PRKG1: variants seen among roughly 807,000 people sequenced by gnomAD.
PRKG1 encodes the protein cGMP-dependent protein kinase 1.
Under a neutral mutation model 88.1 loss-of-function variants are expected in PRKG1, and 35 were observed. The ratio of observed to expected loss-of-function variants is 0.40; its 90% CI spans 0.30 to 0.53. The LOEUF is 0.53. Among genes scored for constraint, PRKG1 ranks in the 20% least tolerant of loss-of-function variants. PRKG1 has a pLI of 0.59. For missense variants in PRKG1, 540 were observed against 839.8 expected (o/e 0.64, Z 4.41); for synonymous variants, 303 against 292.5 (o/e 1.04, Z -0.37).
intron 2 of PRKG1, among the ~76,000 whole-genome samples, chr10:51,306,256 T>C (rs1449074285): frequency 6.6e-6 from 1 of 152,200 alleles, no homozygotes. Flanking sequence ...CCAAATTTCA[T>C]AGTTGACTTA....
intron 3 of PRKG1, among the ~76,000 whole-genome samples, chr10:51,742,357 A>G (rs1837456299): frequency 6.6e-6 from 1 of 152,212 alleles, no homozygotes; most frequent in South Asian, 2.1e-4. Context: ...TGTAGAAGAT[A>G]TAATAAGGAG....
chr10:52,179,173 G>A (rs1367105249), intron 9 of PRKG1, among the ~76,000 whole-genome samples: 2 of 151,280 alleles, frequency 1.3e-5, no homozygotes. Flanking sequence ...CTGTATTAAC[G>A]CTGCTGGTGA....
At chr10:51,669,254 G>C (rs1450480549) in intron 3 of PRKG1, among the ~76,000 whole-genome samples, 1 of 152,166 alleles carries the variant, frequency 6.6e-6, no homozygotes, top group African/African-American at 2.4e-5. Context: ...CAGCATAGTT[G>C]GGTTCCGGTG....
chr10:51,923,495 CATAAT>C (rs1293373128), intron 5 of PRKG1, among the ~76,000 whole-genome samples: 2 of 149,640 alleles, frequency 1.3e-5, no homozygotes, highest in African/African-American at 4.9e-5. Context: ...ATAATATTGA[CATAAT>C]ATGCTAATAT....
intron 5 of PRKG1, among the ~76,000 whole-genome samples, chr10:51,949,827 G>A (rs1437900725): frequency 1.3e-5 from 2 of 152,140 alleles, no homozygotes; most frequent in African/African-American, 4.8e-5. Flanking sequence ...TCATGTCAGA[G>A]GGTGTCTTCT....
At chr10:51,067,270 GTA>G (rs10612353) in intron 1 of PRKG1, among the ~76,000 whole-genome samples, 20,499 of 146,428 alleles carry the variant, frequency 0.14, 3,205 homozygotes, top group African/African-American at 0.39. Flanking sequence ...ATGTATGTGT[GTA>G]TATATATATA....
At chr10:51,016,405 C>T (rs1313973969) in intron 1 of PRKG1, among the ~76,000 whole-genome samples, 5 of 151,966 alleles carry the variant, frequency 3.3e-5, no homozygotes, top group Non-Finnish European at 5.9e-5. Context: ...TATTTTTTGG[C>T]AGAAATGCAG....
intron 3 of PRKG1, among the ~76,000 whole-genome samples, chr10:51,558,451 C>T (rs1027653217): frequency 1.3e-5 from 2 of 151,926 alleles, no homozygotes; most frequent in African/African-American, 2.4e-5. Flanking sequence ...CCATAAGTTG[C>T]ATTATATCTA....
intron 3 of PRKG1, among the ~76,000 whole-genome samples, chr10:51,691,097 T>C (rs1841129981): frequency 6.6e-6 from 1 of 151,336 alleles, no homozygotes; most frequent in Non-Finnish European, 1.5e-5. Context: ...GGATTAATAT[T>C]TATTGAAAAT....
intron 3 of PRKG1, among the ~76,000 whole-genome samples, chr10:51,579,643 C>A (rs1837979568): frequency 1.3e-5 from 2 of 152,112 alleles, no homozygotes; most frequent in African/African-American, 2.4e-5. Flanking sequence ...GATTAGATTT[C>A]ATGAAGTCCT....
intron 3 of PRKG1, among the ~76,000 whole-genome samples, chr10:51,739,487 A>G (rs886230142): frequency 8.5e-5 from 13 of 152,182 alleles, no homozygotes; most frequent in South Asian, 2.1e-4. Flanking sequence ...AACAATGCCC[A>G]TCTTCATGGG....
intron 5 of PRKG1, among the ~76,000 whole-genome samples, chr10:51,936,260 A>G (rs1842798250): frequency 6.6e-6 from 1 of 151,974 alleles, no homozygotes; most frequent in Non-Finnish European, 1.5e-5. Context: ...ATGTGCCATT[A>G]TTATGAATCC....
rs142183437 is a variant in PRKG1, at chr10:51,114,026, C to A, written c.311+39125C>A. On this transcript the variant is annotated intron_variant, in intron 1 of 17. Coordinates refer to ENST00000373980, the MANE Select transcript of PRKG1 (RefSeq NM_006258.4). ...TAACTAAAACTGTGTTTCTTTCCTGCCTCATAGTTTAATTAATTGATTTCC... is the reference window on the plus strand; with the variant it reads ...TAACTAAAACTGTGTTTCTTTCCTGACTCATAGTTTAATTAATTGATTTCC... 2.4e-3 allele frequency among the ~76,000 whole-genome samples: 360 copies of A among 148,050 alleles called. 2 individuals carry two copies. Among genetic ancestry groups the A allele is most frequent in the African/African-American group, 8.1e-3 (324 of 40,104 alleles).
intron 2 of PRKG1, among the ~76,000 whole-genome samples, chr10:51,367,832 A>G (rs1034569235): frequency 2.6e-5 from 4 of 151,930 alleles, no homozygotes; most frequent in Non-Finnish European, 5.9e-5. Context: ...TGTATTCCCT[A>G]CGTAATAAAA....
intron 3 of PRKG1, among the ~76,000 whole-genome samples, chr10:51,556,714 C>G (rs1446560347): frequency 1.3e-5 from 2 of 151,966 alleles, no homozygotes; most frequent in African/African-American, 4.8e-5. Flanking sequence ...ACACTGGGAA[C>G]TACCAGACTG....
At chr10:51,994,189 C>G (rs1345666255) in intron 5 of PRKG1, among the ~76,000 whole-genome samples, 2 of 152,122 alleles carry the variant, frequency 1.3e-5, no homozygotes. Flanking sequence ...TCTTTCTTCT[C>G]ATCTTAGGGG....
chr10:51,986,819 C>A (rs985988065), intron 5 of PRKG1, among the ~76,000 whole-genome samples: 2 of 152,122 alleles, frequency 1.3e-5, no homozygotes, highest in African/African-American at 2.4e-5. Flanking sequence ...CCTCTCAGAG[C>A]AGCTGGCATT....
chr10:51,526,653 CTT>C (rs1564535376), intron 3 of PRKG1, among the ~76,000 whole-genome samples: 1 of 152,170 alleles, frequency 6.6e-6, no homozygotes, highest in Non-Finnish European at 1.5e-5. Context: ...TATTTTAAAA[CTT>C]TTTTAAAAAT....
chr10:51,786,210 G>A (rs905907155), intron 3 of PRKG1, among the ~76,000 whole-genome samples: 5 of 152,066 alleles, frequency 3.3e-5, no homozygotes, highest in African/African-American at 1.2e-4. Flanking sequence ...CTAAATTGCT[G>A]ACTAGGTGAT....
Sources: gnomAD v4.1 joint callset for allele counts (sites outside exome capture counted in the v4.1 genomes callset) on GRCh38, gnomAD v4.1.1 for gene constraint, MANE v1.5 for transcripts, NCBI Gene and HGNC (gene_info 2026-07-23, HGNC 2026-07-21) for gene names.